The following PTPRD variants were observed in gnomAD, a reference collection of about 807,000 sequenced individuals.
The protein encoded by PTPRD is receptor-type tyrosine-protein phosphatase delta.
PTPRD carries 34 observed loss-of-function variants against 214.5 expected under a neutral mutation model. That is an observed-to-expected ratio of 0.16 (90% CI 0.12 to 0.21). The LOEUF (loss-of-function observed/expected upper bound fraction) is 0.21, where lower values mean the gene tolerates loss of function less well. Ranked by LOEUF, PTPRD falls within the 10% of genes least tolerant of loss-of-function variation. PTPRD has a pLI of 1.00. For synonymous variants in PTPRD, 1,128 were observed against 845.7 expected (o/e 1.33, Z -5.79); for missense variants, 2,545 against 2,398.7 (o/e 1.06, Z -1.27).
intron 2 of PTPRD, among the ~76,000 whole-genome samples, chr9:10,454,777 T>C (rs1422899184): frequency 6.6e-6 from 1 of 151,562 alleles, no homozygotes; most frequent in African/African-American, 2.4e-5. Context: ...CCAAAGCACA[T>C]ATGCAGAATT....
intron 9 of PTPRD, among the ~76,000 whole-genome samples, chr9:9,370,720 T>C (rs1163922495): frequency 3.3e-5 from 5 of 151,998 alleles, no homozygotes; most frequent in South Asian, 2.1e-4. Flanking sequence ...CCAGTTTTTG[T>C]CCATTCAGTA....
At chr9:8,559,285 A>C (rs1337348956) in intron 14 of PTPRD, among the ~76,000 whole-genome samples, 1 of 152,312 alleles carries the variant, frequency 6.6e-6, no homozygotes, top group Non-Finnish European at 1.5e-5. Context: ...ACAAAGAGAA[A>C]TGTTTGCAGT....
intron 7 of PTPRD, among the ~76,000 whole-genome samples, chr9:9,623,079 T>C (rs1015796813): frequency 6.6e-6 from 1 of 152,262 alleles, no homozygotes; most frequent in Non-Finnish European, 1.5e-5. Context: ...GCTAAATCTA[T>C]AAAGAAGAGA....
intron 14 of PTPRD, among the ~76,000 whole-genome samples, chr9:8,543,334 C>T (rs1416865036): frequency 6.6e-6 from 1 of 152,222 alleles, no homozygotes; most frequent in East Asian, 1.9e-4. Flanking sequence ...CTTGAATTCA[C>T]TGGCATAGCA....
At chr9:8,704,625 A>G (rs1218250633) in intron 12 of PTPRD, among the ~76,000 whole-genome samples, 2 of 152,148 alleles carry the variant, frequency 1.3e-5, no homozygotes, top group Admixed American at 1.3e-4. Flanking sequence ...AGAATATGGA[A>G]GCTTAAGACA....
In PTPRD at chr9:9,482,221, A is replaced by T. The variant is rs367901479; in HGVS notation, c.-236-84739T>A. 2.6e-5 allele frequency among the ~76,000 whole-genome samples: 4 copies of T among 152,244 alleles called. No individual in the cohort carries two copies. The South Asian group carries it at 8.3e-4, about 32-fold the overall frequency. On this transcript the variant is annotated intron_variant, in intron 8 of 45. Coordinates refer to ENST00000381196, the MANE Select transcript of PTPRD (RefSeq NM_002839.4). ...AAAATTTTAATAAGATCTCCTCTTT[A>T]TCATATACCTGGACATTCCTAGATA... is the stretch of plus-strand genomic sequence containing the variant.
chr9:9,472,029 A>G (rs1231503523), intron 8 of PTPRD, among the ~76,000 whole-genome samples: 1 of 152,134 alleles, frequency 6.6e-6, no homozygotes, highest in Non-Finnish European at 1.5e-5. Flanking sequence ...TATGTATCAA[A>G]TATTTTAAGT....
intron 2 of PTPRD, among the ~76,000 whole-genome samples, chr9:10,555,492 A>G (rs1473137078): frequency 6.6e-6 from 1 of 152,202 alleles, no homozygotes; most frequent in Non-Finnish European, 1.5e-5. Context: ...AATCCAAGCT[A>G]TTAGGAGCAC....
rs958553707 is a variant in PTPRD at position 8,832,123 on chromosome 9, T to C, written c.-103-98177A>G. Among the ~76,000 whole-genome samples, 48 of 152,044 alleles carry C rather than the reference T, an allele frequency of 3.2e-4. No individual in the cohort carries two copies. The South Asian group carries it at 3.3e-3, about 11-fold the overall frequency. On this transcript the variant is annotated intron_variant, in intron 11 of 45. Transcript: ENST00000381196. ...GTGTATATGTGTGTGTGTGTGTGTG[T>C]GTGTGTGTGTGTATGATCTATACAT...
intron 12 of PTPRD, among the ~76,000 whole-genome samples, chr9:8,663,042 G>T (rs1307351613): frequency 3.9e-5 from 6 of 152,024 alleles, no homozygotes; most frequent in Non-Finnish European, 7.4e-5. Flanking sequence ...TAATTAGTCT[G>T]TTAGCAATGA....
chr9:9,984,843 G>C (rs762166197), intron 4 of PTPRD, among the ~76,000 whole-genome samples: 12 of 152,172 alleles, frequency 7.9e-5, no homozygotes, highest in Non-Finnish European at 1.5e-4. Flanking sequence ...TGGGAGCATG[G>C]CTGGGCAAGC....
chr9:10,039,001 C>T (rs1373172880), intron 3 of PTPRD, among the ~76,000 whole-genome samples: 1 of 151,884 alleles, frequency 6.6e-6, no homozygotes, highest in African/African-American at 2.4e-5. Context: ...AGTCTAGGTA[C>T]AAAAATGTAT....
intron 11 of PTPRD, among the ~76,000 whole-genome samples, chr9:8,955,897 T>C (rs1362706999): frequency 6.6e-6 from 1 of 151,936 alleles, no homozygotes; most frequent in Non-Finnish European, 1.5e-5. Flanking sequence ...TGCATATCCA[T>C]GCATATACAC....
intron 11 of PTPRD, among the ~76,000 whole-genome samples, chr9:8,955,401 G>A (rs567660720): frequency 5.9e-5 from 9 of 151,866 alleles, no homozygotes; most frequent in South Asian, 2.1e-4. Flanking sequence ...CTATAAGCTC[G>A]TAGACTCAAT....
chr9:10,017,906 T>C (rs1204676410), intron 4 of PTPRD, among the ~76,000 whole-genome samples: 1 of 152,094 alleles, frequency 6.6e-6, no homozygotes, highest in Non-Finnish European at 1.5e-5. Flanking sequence ...ATACCCTCAC[T>C]TAAAACAACA....
At chr9:8,612,120 A>G (rs2095474726) in intron 14 of PTPRD, among the ~76,000 whole-genome samples, 1 of 152,180 alleles carries the variant, frequency 6.6e-6, no homozygotes, top group East Asian at 1.9e-4. Flanking sequence ...AAGAAAACAA[A>G]ACAAAACAAA....
chr9:8,450,137 T>G (rs1350831612), intron 33 of PTPRD, among the ~76,000 whole-genome samples: 1 of 152,174 alleles, frequency 6.6e-6, no homozygotes, highest in African/African-American at 2.4e-5. Context: ...GCATGGACCC[T>G]TATTGAGCAA....
chr9:8,917,716 C>G (rs539020768), intron 11 of PTPRD, among the ~76,000 whole-genome samples: 26 of 152,218 alleles, frequency 1.7e-4, no homozygotes, highest in African/African-American at 5.8e-4. Flanking sequence ...TCCTAGCAGT[C>G]TATACAATTC....
At chr9:9,922,091 G>A (rs890873696) in intron 5 of PTPRD, among the ~76,000 whole-genome samples, 1 of 152,046 alleles carries the variant, frequency 6.6e-6, no homozygotes, top group Non-Finnish European at 1.5e-5. Flanking sequence ...CCACAGTGTG[G>A]AGCCCCCACA....
Sources: allele counts gnomAD v4.1 joint callset (sites outside exome capture counted in the v4.1 genomes callset), GRCh38; gene constraint gnomAD v4.1.1; transcripts MANE v1.5; gene names NCBI Gene and HGNC (gene_info 2026-07-23, HGNC 2026-07-21).